Variants in ATXN2 observed in about 807,000 individuals in gnomAD.
ATXN2 encodes the protein ataxin 2, also known as ataxin-2.
In ATXN2, 37 loss-of-function variants were observed where a neutral mutation model predicts 138.6. The ratio of observed to expected loss-of-function variants is 0.27; its 90% CI spans 0.21 to 0.35. ATXN2 has a LOEUF of 0.35. ATXN2 is among the 10% of genes least tolerant of loss of function. ATXN2 has a pLI of 1.00. For synonymous variants in ATXN2, 549 were observed against 543.7 expected, an observed-to-expected ratio of 1.01 and a Z score of -0.13; for missense variants, 1,216 against 1,480.3, an observed-to-expected ratio of 0.82 and a Z score of 2.93.
intron 21 of ATXN2, among the ~76,000 whole-genome samples, chr12:111,461,660 CAA>C (rs1875589328): frequency 6.6e-6 from 1 of 151,796 alleles, no homozygotes; most frequent in South Asian, 2.1e-4. Flanking sequence ...GCTTGGAAGA[CAA>C]GAGAGACAAA....
intron 1 of ATXN2, among the ~76,000 whole-genome samples, chr12:111,590,687 A>AAAAAAAAAACCAC (rs1270307822): frequency 4.2e-5 from 6 of 141,956 alleles, no homozygotes; most frequent in African/African-American, 1.3e-4. Context: ...CCATCTAATT[A>AAAAAAAAAACCAC]AAAAAAAAAA....
intron 14 of ATXN2, among the ~76,000 whole-genome samples, chr12:111,494,838 G>GA (rs1310067822): frequency 5.9e-5 from 9 of 152,006 alleles, no homozygotes; most frequent in African/African-American, 2.2e-4. Context: ...GGGAGGGAGG[G>GA]AAAAAAGGAG....
intron 5 of ATXN2, among the ~76,000 whole-genome samples, chr12:111,527,213 C>G (rs777142569): frequency 9.2e-5 from 14 of 152,166 alleles, no homozygotes; most frequent in Non-Finnish European, 1.8e-4. Context: ...TGACTGGACC[C>G]ATAGGGTACC....
intron 5 of ATXN2, among the ~76,000 whole-genome samples, chr12:111,537,700 T>C (rs939861379): frequency 5.9e-5 from 9 of 152,080 alleles, no homozygotes; most frequent in Non-Finnish European, 1.0e-4. Flanking sequence ...TGGGGAAAAT[T>C]GAAACAAACA....
Position 111,535,738 on chromosome 12 carries a change from C to T in ATXN2, c.572-10422G>A, listed in dbSNP as rs927125949. 2.6e-5 allele frequency among the ~76,000 whole-genome samples: 4 copies of T among 152,018 alleles called. No individual in the cohort carries two copies. In the South Asian group the frequency reaches 6.2e-4, roughly 24 times the overall value. On this transcript the variant is annotated intron_variant, in intron 5 of 24. Transcript: ENST00000673436. ...GAAATAGGCCGGGCGCGGTGGCTCA[C>T]GCCTGTAATCCCAGCACTTTGGGAG...
intron 5 of ATXN2, among the ~76,000 whole-genome samples, chr12:111,549,330 G>A (rs574694946): frequency 3.3e-5 from 5 of 151,750 alleles, no homozygotes; most frequent in African/African-American, 4.8e-5. Context: ...AAAACCATGC[G>A]GCCTGGCCAA....
intron 1 of ATXN2, among the ~76,000 whole-genome samples, chr12:111,568,211 A>G (rs796505040): frequency 4.6e-5 from 7 of 152,270 alleles, no homozygotes; most frequent in African/African-American, 1.2e-4. Context: ...CAGTAAGCCA[A>G]TATCACGACA....
intron 21 of ATXN2, among the ~76,000 whole-genome samples, chr12:111,464,284 A>G (rs1006235448): frequency 5.5e-4 from 51 of 92,932 alleles, no homozygotes; most frequent in East Asian, 2.0e-3. Flanking sequence ...GTGTGTGTGT[A>G]TAAATAAACA....
intron 1 of ATXN2, among the ~76,000 whole-genome samples, chr12:111,596,290 T>A (rs1884939109): frequency 6.6e-6 from 1 of 150,932 alleles, no homozygotes; most frequent in Admixed American, 6.6e-5. Context: ...TGTGATTACA[T>A]TATCTTTCCT....
chr12:111,546,888 A>T (rs915898233), intron 5 of ATXN2, among the ~76,000 whole-genome samples: 6 of 152,210 alleles, frequency 3.9e-5, no homozygotes, highest in African/African-American at 1.4e-4. Flanking sequence ...TCTAATTATG[A>T]ATGTGCCAAG....
rs537718988 is a variant in ATXN2, at chr12:111,454,553, C to T, written c.3271-708G>A. ...GTCTCTGTACCAAGTTCAACCTGGT[C>T]TCACTCACTGTCAAGTTGGAAAGGT... On this transcript the variant is annotated intron_variant, in intron 23 of 24. Coordinates refer to ENST00000673436, the MANE Select transcript of ATXN2 (RefSeq NM_001372574.1). The T allele has an allele frequency of 1.4e-3, 229 of 158,512 alleles. 2 individuals carry two copies. The Middle Eastern group carries it at 0.036, about 25-fold the overall frequency. 9.8% of individuals were successfully genotyped at this position (158,512 alleles called of 1,614,324 possible). A position where few individuals can be genotyped will look rare whatever the true frequency, so the allele number is the denominator to read the frequency against.
intron 14 of ATXN2, among the ~76,000 whole-genome samples, chr12:111,506,441 CAAT>C (rs1879116901): frequency 2.0e-5 from 3 of 151,968 alleles, no homozygotes; most frequent in African/African-American, 7.3e-5. Context: ...AATTATATCT[CAAT>C]AAAGCTGTTA....
chr12:111,501,996 A>G (rs1294662186), intron 14 of ATXN2, among the ~76,000 whole-genome samples: 1 of 151,694 alleles, frequency 6.6e-6, no homozygotes, highest in Non-Finnish European at 1.5e-5. Context: ...GGCTCAAGTG[A>G]TTCTCCCACC....
At chr12:111,486,638 A>G in intron 16 of ATXN2, 123 bp downstream of exon 16, 1 of 728,206 alleles carries the variant, frequency 1.4e-6, no homozygotes, top group Non-Finnish European at 2.3e-6. Context: ...ATGTAAAAAA[A>G]AGAAAGAAGG....
At chr12:111,486,976 TTA>T (rs1566019650) in intron 15 of ATXN2, 152 bp from the exon 16 acceptor site, 17 of 639,540 alleles carry the variant, frequency 2.7e-5, no homozygotes, top group Non-Finnish European at 4.0e-5. Flanking sequence ...ACATATACAC[TTA>T]TATTGCCCAT....
In ATXN2 at chr12:111,455,081, C is replaced by A. The variant is rs748356261; in HGVS notation, c.3270+948G>T. The A allele has an allele frequency of 4.3e-6, 3 of 703,046 alleles. No homozygotes were observed. In the South Asian group the frequency reaches 4.4e-5, roughly 10 times the overall value. 43.6% of individuals were successfully genotyped at this position (703,046 alleles called of 1,614,324 possible). ...CTGAGAGATAGATCCAACTGAGTCG[C>A]ATCTCTAGCCCACACCTTGCCAGAG... On this transcript the variant is annotated intron_variant, in intron 23 of 24. Coordinates refer to ENST00000673436, the MANE Select transcript of ATXN2 (RefSeq NM_001372574.1).
At chr12:111,578,477 G>A (rs1247422491) in intron 1 of ATXN2, among the ~76,000 whole-genome samples, 8 of 152,112 alleles carry the variant, frequency 5.3e-5, no homozygotes, top group Non-Finnish European at 1.0e-4. Flanking sequence ...TGCCAACAGT[G>A]TTCAGTACCG....
intron 5 of ATXN2, among the ~76,000 whole-genome samples, chr12:111,529,467 C>A (rs1880688279): frequency 6.6e-6 from 1 of 152,192 alleles, no homozygotes; most frequent in Admixed American, 6.5e-5. Context: ...ATAAAAGCCT[C>A]TAGACTAGCA....
At position 111,518,411 on chromosome 12, in the gene ATXN2, G is replaced by A. The variant is rs772982450; in HGVS notation, c.1003C>T (p.Pro335Ser). 6 of 1,600,308 alleles carry A rather than the reference G, an allele frequency of 3.7e-6. No homozygotes were observed. Among genetic ancestry groups the A allele is most frequent in the Non-Finnish European group, 5.1e-6 (6 of 1,172,514 alleles). The stretch of plus-strand genomic sequence containing the variant: ...ACTTCTCTATTTCTTTGTCCAGGAG[G>A]AATATATTTATTTTCCCTGAAAATG... Reference protein sequence around the residue: ...SINTRENKYIPPGQRNREVIS... With the variant: ...SINTRENKYISPGQRNREVIS... Residue 335 changes from proline to serine, a missense_variant, in exon 9 of 25, where the codon CCT (proline) becomes TCT (serine). Physicochemically the swap from Pro to Ser is moderately conservative, Grantham distance 74. Transcript: ENST00000673436.
Sources: allele counts gnomAD v4.1 joint callset (sites outside exome capture counted in the v4.1 genomes callset), GRCh38; gene constraint gnomAD v4.1.1; transcripts MANE v1.5; gene names NCBI Gene and HGNC (gene_info 2026-07-23, HGNC 2026-07-21).